LYPD6B: variants seen among roughly 807,000 people sequenced by gnomAD.
LYPD6B encodes ly6/PLAUR domain-containing protein 6B.
In LYPD6B, 17 loss-of-function variants were observed where a neutral mutation model predicts 22.8. The observed-to-expected ratio is 0.75, with a 90% CI of 0.51 to 1.12. The LOEUF is 1.12. Among genes scored for constraint, LYPD6B ranks in the 50% most tolerant of loss-of-function variants. The pLI is 0.00. For missense variants in LYPD6B, 221 were observed against 258.3 expected (o/e 0.86, Z 0.99); for synonymous variants, 106 against 91.6 (o/e 1.16, Z -0.90).
intron 1 of LYPD6B, among the ~76,000 whole-genome samples, chr2:149,050,576 T>C (rs996616967): frequency 1.3e-5 from 2 of 152,198 alleles, no homozygotes; most frequent in Non-Finnish European, 2.9e-5. Flanking sequence ...CCACAGTTTT[T>C]AGGCAACTAC....
chr2:149,083,488 AAC>A (rs1280963498), intron 1 of LYPD6B, among the ~76,000 whole-genome samples: 1 of 152,214 alleles, frequency 6.6e-6, no homozygotes, highest in Admixed American at 6.5e-5. Flanking sequence ...TTTAAGCAGT[AAC>A]AGTCTCTACA....
intron 3 of LYPD6B, among the ~76,000 whole-genome samples, chr2:149,181,222 C>T (rs1411473736): frequency 6.6e-6 from 1 of 152,080 alleles, no homozygotes; most frequent in African/African-American, 2.4e-5. Context: ...CAGGAAGTCA[C>T]ATTAAATGGA....
intron 3 of LYPD6B, among the ~76,000 whole-genome samples, chr2:149,197,971 A>G (rs1692922602): frequency 6.6e-6 from 1 of 152,060 alleles, no homozygotes; most frequent in African/African-American, 2.4e-5. Context: ...TGGATAAGAC[A>G]TGGCAAACCA....
chr2:149,135,351 T>G (rs938477395), intron 2 of LYPD6B, among the ~76,000 whole-genome samples: 2 of 152,130 alleles, frequency 1.3e-5, no homozygotes, highest in Non-Finnish European at 2.9e-5. Flanking sequence ...GTTTTGAGAA[T>G]TCCTTTAGGT....
intron 5 of LYPD6B, among the ~76,000 whole-genome samples, chr2:149,211,310 T>C (rs756037410): frequency 1.2e-4 from 19 of 152,168 alleles, no homozygotes; most frequent in Admixed American, 2.6e-4. Flanking sequence ...CGTGGTTTAA[T>C]ATTAAGTATA....
At chr2:149,057,671 T>C (rs1683867387) in intron 1 of LYPD6B, among the ~76,000 whole-genome samples, 1 of 152,118 alleles carries the variant, frequency 6.6e-6, no homozygotes, top group South Asian at 2.1e-4. Flanking sequence ...ACAAATACTG[T>C]GTAGGGGCGA....
At chr2:149,088,319 T>C (rs994295263) in intron 1 of LYPD6B, among the ~76,000 whole-genome samples, 1 of 152,198 alleles carries the variant, frequency 6.6e-6, no homozygotes, top group African/African-American at 2.4e-5. Context: ...GTGTTTTCAG[T>C]GTAGGCTAGG....
intron 3 of LYPD6B, among the ~76,000 whole-genome samples, chr2:149,196,687 A>C (rs1692832431): frequency 6.6e-6 from 1 of 152,244 alleles, no homozygotes; most frequent in South Asian, 2.1e-4. Context: ...TTAAGCAATG[A>C]ATTCATTCAA....
At chr2:149,040,557 A>G (rs1197533965) in intron 1 of LYPD6B, among the ~76,000 whole-genome samples, 1 of 152,138 alleles carries the variant, frequency 6.6e-6, no homozygotes, top group Non-Finnish European at 1.5e-5. Flanking sequence ...ATACTGGACC[A>G]AAACAGAACC....
chr2:149,066,240 A>G (rs1684322587), intron 1 of LYPD6B, among the ~76,000 whole-genome samples: 1 of 151,556 alleles, frequency 6.6e-6, no homozygotes, highest in African/African-American at 2.4e-5. Context: ...GGTTTGTTAC[A>G]TATGTATACA....
chr2:149,120,875 T>C (rs1462149244), intron 1 of LYPD6B, among the ~76,000 whole-genome samples: 1 of 132,748 alleles, frequency 7.5e-6, no homozygotes, highest in Non-Finnish European at 1.5e-5. Context: ...CATTGCAACC[T>C]CTACCTCCCA....
chr2:149,132,063 C>T (rs763780318), intron 2 of LYPD6B, among the ~76,000 whole-genome samples: 7 of 151,794 alleles, frequency 4.6e-5, no homozygotes, highest in Non-Finnish European at 1.0e-4. Flanking sequence ...CATCCTGGGT[C>T]CATGCTCCCT....
intron 2 of LYPD6B, among the ~76,000 whole-genome samples, chr2:149,140,576 G>C (rs889266765): frequency 6.6e-6 from 1 of 152,160 alleles, no homozygotes; most frequent in African/African-American, 2.4e-5. Context: ...GACCGTGAGA[G>C]CCAATGTCCC....
chr2:149,100,080 G>T (rs899520402), intron 1 of LYPD6B, among the ~76,000 whole-genome samples: 26 of 152,266 alleles, frequency 1.7e-4, no homozygotes, highest in African/African-American at 5.8e-4. Context: ...CTTAGGAAAA[G>T]ATTGATTTTT....
chr2:149,159,831 C>T (rs774172497), intron 2 of LYPD6B, among the ~76,000 whole-genome samples: 14 of 152,108 alleles, frequency 9.2e-5, no homozygotes, highest in South Asian at 2.1e-4. Flanking sequence ...CTTAAAGCCT[C>T]GACTGATCAA....
At chr2:149,162,497 C>G (rs1690140939) in intron 3 of LYPD6B, among the ~76,000 whole-genome samples, 1 of 152,134 alleles carries the variant, frequency 6.6e-6, no homozygotes, top group African/African-American at 2.4e-5. Context: ...TACTCGATGT[C>G]CACACTCACC....
intron 3 of LYPD6B, among the ~76,000 whole-genome samples, chr2:149,199,322 A>G (rs1693014222): frequency 6.6e-6 from 1 of 152,204 alleles, no homozygotes; most frequent in Non-Finnish European, 1.5e-5. Flanking sequence ...ATTTTCTTCT[A>G]GGTATTTCTG....
intron 3 of LYPD6B, chr2:149,188,566 CTGGGACCTCCTAGCTACAGGATTATG>C (rs1397435431): frequency 4.2e-6 from 1 of 239,576 alleles, no homozygotes; most frequent in African/African-American, 2.3e-5. Flanking sequence ...GAATGCAGTT[CTGGGACCTCCTAGCTACAGGATTATG>C]TAAATCACTC....
chr2:149,062,064 A>G (rs1684107719), intron 1 of LYPD6B, among the ~76,000 whole-genome samples: 1 of 151,234 alleles, frequency 6.6e-6, no homozygotes, highest in Non-Finnish European at 1.5e-5. Context: ...TCAGCTCACC[A>G]CAAACTCCGC....
Sources: gnomAD v4.1 joint callset for allele counts (sites outside exome capture counted in the v4.1 genomes callset) on GRCh38, gnomAD v4.1.1 for gene constraint, MANE v1.5 for transcripts, NCBI Gene and HGNC (gene_info 2026-07-23, HGNC 2026-07-21) for gene names.